The following NET1 variants were observed in gnomAD, a reference collection of about 807,000 sequenced individuals.
NET1 encodes neuroepithelial cell transforming 1, also known as neuroepithelial cell-transforming gene 1 protein.
Under a neutral mutation model 61.1 loss-of-function variants are expected in NET1, and 42 were observed. The observed-to-expected ratio is 0.69, with a 90% CI of 0.54 to 0.89. The LOEUF is 0.89. Among genes scored for constraint, NET1 ranks in the 40% least tolerant of loss-of-function variants. The probability of loss-of-function intolerance (pLI) is 0.00; values close to 1 mark genes in which losing one functional copy is unlikely to be tolerated. For missense variants in NET1, 654 were observed against 747.3 expected, an observed-to-expected ratio of 0.88 and a Z score of 1.46; for synonymous variants, 254 against 281.8, an observed-to-expected ratio of 0.90 and a Z score of 0.99.
In NET1 at chr10:5,415,440, C is replaced by CTTTTTTTT. The variant is rs55784274; in HGVS notation, c.128+2625_128+2632dup. 6.9e-6 allele frequency among the ~76,000 whole-genome samples: 1 copy of CTTTTTTTT among 145,248 alleles called. No homozygotes were observed. Among genetic ancestry groups the CTTTTTTTT allele is most frequent in the Non-Finnish European group, 1.5e-5 (1 of 66,952 alleles). ...CATTTTTGGTGGGCCATCCTTTGCT[C>CTTTTTTTT]TTTTTTTTTTTTCTTTTGAGACGGA... is the stretch of plus-strand genomic sequence containing the variant. On this transcript the variant is annotated intron_variant, in intron 1 of 11. Coordinates refer to ENST00000355029, the MANE Select transcript of NET1 (RefSeq NM_001047160.3). This position sits in a 1 kb window ranked among gnomAD's most constrained non-coding sequence, Gnocchi z 4.7.
In NET1 at chr10:5,412,932, G is replaced by A. The variant is rs924902631; in HGVS notation, c.128+112G>A. Reference sequence around the variant, plus strand: ...GGCCGGGGGGAGGGGAGGGCTGGCCGGGAGTTGGATGTGGGGGGCGGCGAG... The same window carrying A: ...GGCCGGGGGGAGGGGAGGGCTGGCCAGGAGTTGGATGTGGGGGGCGGCGAG... On this transcript the variant is annotated intron_variant, in intron 1 of 11. Transcript: ENST00000355029. This position sits in a 1 kb window ranked among gnomAD's most constrained non-coding sequence, Gnocchi z 6.5. 3 of 1,068,556 alleles carry A rather than the reference G, an allele frequency of 2.8e-6. No homozygotes were observed. Among genetic ancestry groups the A allele is most frequent in the Non-Finnish European group, 3.5e-6 (3 of 846,460 alleles). The allele number at this position is 1,068,556 out of a possible 1,614,324, so 66.2% of individuals were successfully genotyped here. A position where few individuals can be genotyped will look rare whatever the true frequency, so the allele number is the denominator to read the frequency against.
rs906535153 is a variant in NET1 at position 5,441,507 on chromosome 10, G to A, written c.256-10323G>A. ...TCAACAGCTTGTTACAGAAGACTAAGTGGTCTTACGTTATACTGGAAGTTA... is the reference window on the plus strand; with the variant it reads ...TCAACAGCTTGTTACAGAAGACTAAATGGTCTTACGTTATACTGGAAGTTA... On this transcript the variant is annotated intron_variant, in intron 3 of 11. Transcript: ENST00000355029. This position sits in a 1 kb window ranked among gnomAD's most constrained non-coding sequence, Gnocchi z 4.6. Among the ~76,000 whole-genome samples, 1 of 152,226 alleles carries A rather than the reference G, an allele frequency of 6.6e-6. No homozygotes were observed. Among genetic ancestry groups the A allele is most frequent in the African/African-American group, 2.4e-5 (1 of 41,466 alleles).
Position 5,454,434 on chromosome 10 carries a change from G to A in NET1, c.938G>A (p.Ser313Asn), listed in dbSNP as rs754467713. 3.7e-6 allele frequency: 6 copies of A among 1,614,148 alleles called. No homozygotes were observed. The East Asian group carries it at 6.7e-5, about 18-fold the overall frequency. ...TGGAGTTTCCTAGATATCCCTCGAA[G>A]TCGCCTAGTCAAATACCCTTTACTG... ...DLWSFLDIPR[S>N]RLVKYPLLLK... is the part of the protein sequence containing the mutation. Residue 313 changes from serine (S) to asparagine (N), a missense_variant, in exon 9 of 12, where the codon AGT becomes AAT. By Grantham distance (46) the Ser-to-Asn change is conservative. Coordinates refer to ENST00000355029, the MANE Select transcript of NET1 (RefSeq NM_001047160.3). This position sits in a 1 kb window ranked among gnomAD's most constrained non-coding sequence, Gnocchi z 8.1.
At chr10:5,432,769 C>CTA (rs79965166) in intron 3 of NET1, among the ~76,000 whole-genome samples, 37,058 of 150,356 alleles carry the variant, frequency 0.25, 4,799 homozygotes, top group Non-Finnish European at 0.28. Context: ...ATATAAGCAA[C>CTA]TATATATATA....
At chr10:5,442,520 A>G (rs868537820) in intron 3 of NET1, among the ~76,000 whole-genome samples, 1 of 152,244 alleles carries the variant, frequency 6.6e-6, no homozygotes, top group Non-Finnish European at 1.5e-5. Context: ...AGTTACGTTT[A>G]TAAATTCTAG....
chr10:5,416,900 T>C lies in NET1; in HGVS notation c.128+4080T>C, dbSNP rs887700137. ...TTAGCCATCCGTAGGCGGCTTGTAT[T>C]CATCAGCTCAGTTAGACCCCTGCCT... is the stretch of plus-strand genomic sequence containing the variant. On this transcript the variant is annotated intron_variant, in intron 1 of 11. Transcript: ENST00000355029. This position sits in a 1 kb window ranked among gnomAD's most constrained non-coding sequence, Gnocchi z 6.1. Among the ~76,000 whole-genome samples, 2 of 152,174 alleles carry C rather than the reference T, an allele frequency of 1.3e-5. No homozygotes were observed. Among genetic ancestry groups the C allele is most frequent in the Admixed American group, 1.3e-4 (2 of 15,278 alleles).
rs1832073604 is a variant in NET1 at position 5,415,819 on chromosome 10, T to G, written c.128+2999T>G. 6.6e-6 allele frequency among the ~76,000 whole-genome samples: 1 copy of G among 152,184 alleles called. No individual in the cohort carries two copies. Among genetic ancestry groups the G allele is most frequent in the Admixed American group, 6.5e-5 (1 of 15,276 alleles). On this transcript the variant is annotated intron_variant, in intron 1 of 11. Transcript: ENST00000355029. The surrounding 1 kb of genome is among the most constrained non-coding windows in gnomAD (Gnocchi z 4.7). The stretch of plus-strand genomic sequence containing the variant: ...TACAAGTCCCTTATCAGATAGATTA[T>G]TTGCAAATATTTTCTCTTATTCTGT...
rs1012474498 is a variant in NET1, at chr10:5,447,805, G to A, written c.256-4025G>A. ...TGGTTTTGGTCTTTGCCTATGTGTC[G>A]GTTTTCTCAAAATGTGTAAGTATTT... On this transcript the variant is annotated intron_variant, in intron 3 of 11. Coordinates refer to ENST00000355029, the MANE Select transcript of NET1 (RefSeq NM_001047160.3). The surrounding 1 kb of genome is among the most constrained non-coding windows in gnomAD (Gnocchi z 4.1). Among the ~76,000 whole-genome samples the A allele has an allele frequency of 1.3e-5, 2 of 152,116 alleles. No homozygotes were observed. Among genetic ancestry groups the A allele is most frequent in the African/African-American group, 4.8e-5 (2 of 41,432 alleles).
intron 1 of NET1, among the ~76,000 whole-genome samples, chr10:5,419,769 C>T (rs1407556991): frequency 6.6e-6 from 1 of 151,894 alleles, no homozygotes; most frequent in Non-Finnish European, 1.5e-5. Flanking sequence ...CCTTCATTCT[C>T]GAAAGATAAT....
Position 5,452,388 on chromosome 10 carries a change from C to T in NET1, c.394C>T (p.Pro132Ser), listed in dbSNP as rs1832719774. The change falls in exon 5 of 12, where the codon CCA (proline) becomes TCA (serine). Residue 132 changes from proline to serine, a missense_variant. Pro to Ser is a moderately conservative substitution (Grantham distance 74). Transcript: ENST00000355029. This position sits in a 1 kb window ranked among gnomAD's most constrained non-coding sequence, Gnocchi z 4.0. ...TACCCTTCGTGGTGACCACAGATCCCCAGCCTCTGCCCAGAAGTTTTCTAG... is the reference window on the plus strand; with the variant it reads ...TACCCTTCGTGGTGACCACAGATCCTCAGCCTCTGCCCAGAAGTTTTCTAG... ...SFTLRGDHRS[P>S]ASAQKFSSRS... is the part of the protein sequence containing the mutation. 2 of 1,613,314 alleles carry T rather than the reference C, an allele frequency of 1.2e-6. No individual in the cohort carries two copies. Among genetic ancestry groups the T allele is most frequent in the Non-Finnish European group, 1.7e-6 (2 of 1,179,528 alleles).
Position 5,441,219 on chromosome 10 carries a change from T to C in NET1, c.256-10611T>C, listed in dbSNP as rs1350135360. Among the ~76,000 whole-genome samples the C allele has an allele frequency of 6.6e-6, 1 of 152,254 alleles. No individual in the cohort carries two copies. The highest frequency in any genetic ancestry group is 1.5e-5 in the Non-Finnish European group (1 of 68,044). On this transcript the variant is annotated intron_variant, in intron 3 of 11. Coordinates refer to ENST00000355029, the MANE Select transcript of NET1 (RefSeq NM_001047160.3). This position sits in a 1 kb window ranked among gnomAD's most constrained non-coding sequence, Gnocchi z 4.6. ...GTGCTCCGTTAGTCAACAAGTGGCC[T>C]TTCGGGTGTCCATCCCACACACCCG...
In NET1 at chr10:5,446,743, G is replaced by A. The variant is rs759862393; in HGVS notation, c.256-5087G>A. The A allele has an allele frequency of 1.3e-6, 2 of 1,595,564 alleles. No homozygotes were observed. Among genetic ancestry groups the A allele is most frequent in the African/African-American group, 2.7e-5 (2 of 74,616 alleles). On this transcript the variant is annotated intron_variant, in intron 3 of 11. Coordinates refer to ENST00000355029, the MANE Select transcript of NET1 (RefSeq NM_001047160.3). This position sits in a 1 kb window ranked among gnomAD's most constrained non-coding sequence, Gnocchi z 5.0. Reference sequence around the variant, plus strand: ...GACTCGGTGTGGATTGATTGGAAAGGTTTGAGGGAGTACTTGGGAAGCATG... The same window carrying A: ...GACTCGGTGTGGATTGATTGGAAAGATTTGAGGGAGTACTTGGGAAGCATG...
In NET1 at chr10:5,423,903, G is replaced by T. The variant is rs557131661; in HGVS notation, c.129-2752G>T. Among the ~76,000 whole-genome samples, 1 of 152,088 alleles carries T rather than the reference G, an allele frequency of 6.6e-6. No individual in the cohort carries two copies. The highest frequency in any genetic ancestry group is 1.5e-5 in the Non-Finnish European group (1 of 67,992). ...GTTTTTTGGGTTCCTTTTTTCCATG[G>T]GTATTCAAAATAAATAGAATCTTGT... On this transcript the variant is annotated intron_variant, in intron 1 of 11. Transcript: ENST00000355029. This position sits in a 1 kb window ranked among gnomAD's most constrained non-coding sequence, Gnocchi z 4.4.
At chr10:5,430,261 T>C (rs1832326995) in intron 3 of NET1, among the ~76,000 whole-genome samples, 3 of 152,240 alleles carry the variant, frequency 2.0e-5, no homozygotes, top group Admixed American at 1.3e-4. Context: ...ATACGTGGTC[T>C]TCAACTAAGC....
At position 5,456,135 on chromosome 10, in the gene NET1, G is replaced by C. The variant is rs149569698; in HGVS notation, c.1246G>C (p.Val416Leu). 3.1e-6 allele frequency: 5 copies of C among 1,614,028 alleles called. No individual in the cohort carries two copies. Among genetic ancestry groups the C allele is most frequent in the Non-Finnish European group, 3.4e-6 (4 of 1,179,978 alleles). Residue 416 changes from valine to leucine, a missense_variant, in exon 11 of 12, where the codon GTC becomes CTC. Coordinates refer to ENST00000355029, the MANE Select transcript of NET1 (RefSeq NM_001047160.3). The surrounding 1 kb of genome is among the most constrained non-coding windows in gnomAD (Gnocchi z 7.0). Reference sequence around the variant, plus strand: ...AGACATCTTGGTTCTGACTCGGCCCGTCACACGGAACGAACGGCACTCTTA... The same window carrying C: ...AGACATCTTGGTTCTGACTCGGCCCCTCACACGGAACGAACGGCACTCTTA... ...FQDILVLTRP[V>L]TRNERHSYQV...
At position 5,447,146 on chromosome 10, in the gene NET1, A is replaced by G. The variant is rs958235157; in HGVS notation, c.256-4684A>G. On this transcript the variant is annotated intron_variant, in intron 3 of 11. Coordinates refer to ENST00000355029, the MANE Select transcript of NET1 (RefSeq NM_001047160.3). The surrounding 1 kb of genome is among the most constrained non-coding windows in gnomAD (Gnocchi z 4.1). The stretch of plus-strand genomic sequence containing the variant: ...GTTTGTCACATTTCTGATGCTTAAT[A>G]TAATTGTTTTTTTAACTTGAATTGA... Among the ~76,000 whole-genome samples the G allele has an allele frequency of 1.3e-5, 2 of 152,228 alleles. No individual in the cohort carries two copies. The highest frequency in any genetic ancestry group is 2.9e-5 in the Non-Finnish European group (2 of 68,038).
rs145810566 is a variant in NET1 at position 5,447,795 on chromosome 10, C to G, written c.256-4035C>G. Among the ~76,000 whole-genome samples the G allele has an allele frequency of 8.8e-3, 1,339 of 152,272 alleles. 6 individuals are homozygous for G. The highest frequency in any genetic ancestry group is 0.015 in the Non-Finnish European group (999 of 68,026). ...TTTTTGTTCTTGGTTTTGGTCTTTG[C>G]CTATGTGTCGGTTTTCTCAAAATGT... On this transcript the variant is annotated intron_variant, in intron 3 of 11. Coordinates refer to ENST00000355029, the MANE Select transcript of NET1 (RefSeq NM_001047160.3). The surrounding 1 kb of genome is among the most constrained non-coding windows in gnomAD (Gnocchi z 4.1).
intron 3 of NET1, among the ~76,000 whole-genome samples, chr10:5,430,906 C>G (rs1439488900): frequency 7.0e-6 from 1 of 142,548 alleles, no homozygotes; most frequent in Non-Finnish European, 1.5e-5. Context: ...GAGTCTCGCT[C>G]TTTTGCCCAG....
Position 5,452,905 on chromosome 10 carries a change from C to G in NET1, c.579C>G (p.Leu193=), listed in dbSNP as rs542043115. Residue 193 remains leucine (L), a synonymous_variant, in exon 6 of 12, where the codon CTC becomes CTG. Transcript: ENST00000355029. This position sits in a 1 kb window ranked among gnomAD's most constrained non-coding sequence, Gnocchi z 4.0. ...GTGAACAGGATTTAATTGAGGATCTCAAACTTGCAAGAAAGGTCAGTAAAT... is the reference window on the plus strand; with the variant it reads ...GTGAACAGGATTTAATTGAGGATCTGAAACTTGCAAGAAAGGTCAGTAAAT... The part of the protein sequence containing the change: ...SRGEQDLIED[L]KLARKAYHDP... 1.9e-6 allele frequency: 3 copies of G among 1,611,452 alleles called. No individual in the cohort carries two copies. Among genetic ancestry groups the G allele is most frequent in the African/African-American group, 2.7e-5 (2 of 74,968 alleles).
Sources: allele counts gnomAD v4.1 joint callset (sites outside exome capture counted in the v4.1 genomes callset), GRCh38; gene constraint gnomAD v4.1.1; non-coding constraint Gnocchi (gnomAD v3.1); transcripts MANE v1.5; gene names NCBI Gene and HGNC (gene_info 2026-07-23, HGNC 2026-07-21).